Variants in RNF121 observed in about 807,000 individuals in gnomAD.
RNF121 encodes ring finger protein 121.
Under a neutral mutation model 46.5 loss-of-function variants are expected in RNF121, and 21 were observed. The observed-to-expected ratio is 0.45, with a 90% CI of 0.32 to 0.65. The LOEUF is 0.65. Ranked by LOEUF, RNF121 falls within the 30% of genes least tolerant of loss-of-function variation. The pLI is 0.04. For synonymous variants in RNF121, 139 were observed against 144.7 expected (o/e 0.96, Z 0.28); for missense variants, 346 against 416.0 (o/e 0.83, Z 1.46).
rs780793577 is a variant in RNF121 at position 71,934,938 on chromosome 11, A to ACTTTTTTTTTTTT, written c.63+5814_63+5815insCTTTTTTTTTTTT. The stretch of plus-strand genomic sequence containing the variant: ...GTCCTGTGCCAAGTGTTCCAAATGC[A>ACTTTTTTTTTTTT]TTCTTTTTTTTTTTTTTTTTTTTTA... On this transcript the variant is annotated intron_variant, in intron 1 of 8. Transcript: ENST00000361756. 2.3e-4 allele frequency among the ~76,000 whole-genome samples: 33 copies of ACTTTTTTTTTTTT among 145,100 alleles called. 15 individuals are homozygous for ACTTTTTTTTTTTT. The highest frequency in any genetic ancestry group is 1.3e-4 in the Non-Finnish European group (9 of 67,046).
At chr11:71,983,181 CA>C (rs1954699953) in intron 4 of RNF121, 2 of 301,062 alleles carry the variant, frequency 6.6e-6, no homozygotes, top group Non-Finnish European at 1.2e-5. Context: ...TTGTGGTGAT[CA>C]TTGTGGTCTC....
At chr11:71,985,457 A>G (rs942506312) in intron 4 of RNF121, among the ~76,000 whole-genome samples, 4 of 152,196 alleles carry the variant, frequency 2.6e-5, no homozygotes, top group Admixed American at 6.5e-5. Context: ...AAAATTTCAC[A>G]TCCTTTTCAC....
intron 4 of RNF121, among the ~76,000 whole-genome samples, chr11:71,985,612 T>C (rs1255847937): frequency 6.6e-6 from 1 of 152,168 alleles, no homozygotes; most frequent in African/African-American, 2.4e-5. Context: ...CAAGGAGGCA[T>C]GGGCAGGGAA....
intron 1 of RNF121, among the ~76,000 whole-genome samples, chr11:71,940,253 G>A (rs192032372): frequency 6.2e-4 from 95 of 152,316 alleles, no homozygotes; most frequent in African/African-American, 2.2e-3. Context: ...GGAATTTACA[G>A]TCTAGTTAGA....
At chr11:71,980,842 AAAGT>A (rs1438290243) in intron 3 of RNF121, among the ~76,000 whole-genome samples, 2 of 152,244 alleles carry the variant, frequency 1.3e-5, no homozygotes, top group Non-Finnish European at 2.9e-5. Context: ...AGTACCAAAA[AAAGT>A]AAGCCATTTC....
At chr11:71,967,129 C>T (rs1316405584) in intron 3 of RNF121, among the ~76,000 whole-genome samples, 2 of 150,174 alleles carry the variant, frequency 1.3e-5, no homozygotes, top group African/African-American at 2.4e-5. Context: ...CCTCGGCCTC[C>T]CAAAGTGCTG....
intron 5 of RNF121, among the ~76,000 whole-genome samples, 177 bp from the exon 6 acceptor site, chr11:71,990,419 AG>A (rs1954843014): frequency 6.6e-6 from 1 of 152,094 alleles, no homozygotes; most frequent in Admixed American, 6.5e-5. Flanking sequence ...CCTCCTCAAG[AG>A]GTGTTCATGG....
intron 1 of RNF121, among the ~76,000 whole-genome samples, chr11:71,937,916 C>G (rs1343249837): frequency 2.0e-5 from 3 of 152,206 alleles, no homozygotes; most frequent in African/African-American, 7.2e-5. Context: ...CTCTACTCCT[C>G]AGAGAAAAAT....
chr11:71,986,882 A>G, intron 4 of RNF121, 122 bp from the exon 5 acceptor site: 1 of 647,656 alleles, frequency 1.5e-6, no homozygotes, highest in Admixed American at 2.5e-5. Context: ...GAAGTTGCTC[A>G]GTAAGTCCTG....
chr11:71,994,046 T>A (rs1177977396), intron 6 of RNF121, among the ~76,000 whole-genome samples: 3 of 152,140 alleles, frequency 2.0e-5, no homozygotes, highest in Non-Finnish European at 4.4e-5. Context: ...TTCACTGTGT[T>A]AGTTAGGATG....
chr11:71,947,134 G>C (rs1464680607), intron 1 of RNF121, among the ~76,000 whole-genome samples: 1 of 152,008 alleles, frequency 6.6e-6, no homozygotes, highest in Non-Finnish European at 1.5e-5. Context: ...AAAGTGTTAA[G>C]ATTACAGGCT....
chr11:71,966,887 C>T (rs181183004), intron 3 of RNF121, among the ~76,000 whole-genome samples: 3,943 of 142,854 alleles, frequency 0.028, 192 homozygotes, highest in African/African-American at 0.097. Context: ...TTTTTTGAGA[C>T]GGAATCTCAC....
At chr11:71,959,217 G>A (rs1171097260) in intron 2 of RNF121, among the ~76,000 whole-genome samples, 1 of 152,288 alleles carries the variant, frequency 6.6e-6, no homozygotes, top group African/African-American at 2.4e-5. Context: ...ACCCTTAGGT[G>A]CTGAGGCTTA....
At chr11:71,978,352 G>A in intron 3 of RNF121, 1 of 247,220 alleles carries the variant, frequency 4.0e-6, no homozygotes, top group Non-Finnish European at 8.3e-6. Flanking sequence ...CCAAGCAGAA[G>A]TTGGCTTTCA....
At chr11:71,946,146 G>A (rs546669175) in intron 1 of RNF121, among the ~76,000 whole-genome samples, 3 of 151,752 alleles carry the variant, frequency 2.0e-5, no homozygotes, top group East Asian at 1.9e-4. Flanking sequence ...AGAAAAATCC[G>A]CACAGAAACT....
At chr11:71,933,415 AT>A (rs1953323867) in intron 1 of RNF121, among the ~76,000 whole-genome samples, 1 of 152,204 alleles carries the variant, frequency 6.6e-6, no homozygotes, top group Admixed American at 6.5e-5. Context: ...CAAGTGAATA[AT>A]TTACCTCTCT....
intron 3 of RNF121, among the ~76,000 whole-genome samples, chr11:71,967,224 T>C (rs956716324): frequency 2.0e-5 from 3 of 151,076 alleles, no homozygotes; most frequent in African/African-American, 7.2e-5. Flanking sequence ...TTCTACTTTA[T>C]TATATTTAAA....
At chr11:71,962,215 C>T (rs748416545) in intron 3 of RNF121, 7 of 308,238 alleles carry the variant, frequency 2.3e-5, no homozygotes, top group Middle Eastern at 1.7e-3. Flanking sequence ...TGATCCGCCT[C>T]GGCCTCCCAA....
At chr11:71,942,888 A>G (rs1034362305) in intron 1 of RNF121, among the ~76,000 whole-genome samples, 1 of 152,118 alleles carries the variant, frequency 6.6e-6, no homozygotes, top group Non-Finnish European at 1.5e-5. Context: ...GTTCTAGCAG[A>G]TATGATGTCT....
Sources: gnomAD v4.1 joint callset for allele counts (sites outside exome capture counted in the v4.1 genomes callset) on GRCh38, gnomAD v4.1.1 for gene constraint, MANE v1.5 for transcripts, NCBI Gene and HGNC (gene_info 2026-07-23, HGNC 2026-07-21) for gene names.